Variants in MYO6 observed in about 807,000 individuals in gnomAD.
The protein encoded by MYO6 is unconventional myosin-VI.
In MYO6, 74 loss-of-function variants were observed where a neutral mutation model predicts 178.7. That is an observed-to-expected ratio of 0.41 (90% confidence interval 0.34 to 0.50). MYO6 has a LOEUF of 0.50. Ranked by LOEUF, MYO6 falls within the 20% of genes least tolerant of loss-of-function variation. The pLI, the probability that MYO6 is intolerant of heterozygous loss-of-function variation, is 0.09. For missense variants in MYO6, 1,330 were observed against 1,547.4 expected (o/e 0.86, Z 2.36); for synonymous variants, 477 against 504.6 (o/e 0.95, Z 0.73).
intron 6 of MYO6, among the ~76,000 whole-genome samples, chr6:75,834,475 C>T (rs957925198): frequency 7.9e-5 from 12 of 152,232 alleles, no homozygotes; most frequent in African/African-American, 2.9e-4. Context: ...TCAAGTGATG[C>T]TCCCACTTTG....
intron 1 of MYO6, among the ~76,000 whole-genome samples, chr6:75,802,661 T>C (rs982976449): frequency 6.6e-6 from 1 of 151,814 alleles, no homozygotes; most frequent in Non-Finnish European, 1.5e-5. Flanking sequence ...AGTTTTTGTA[T>C]TTTTTGTAGA....
At chr6:75,768,747 A>T (rs577803808) in intron 1 of MYO6, among the ~76,000 whole-genome samples, 2 of 152,260 alleles carry the variant, frequency 1.3e-5, no homozygotes, top group Non-Finnish European at 2.9e-5. Flanking sequence ...GTAGCAAATT[A>T]TTGCTGTAAA....
At position 75,750,531 on chromosome 6, in the gene MYO6, A is replaced by ATTT. The variant is rs530813379; in HGVS notation, c.-48+1122_-48+1124dup. 9.2e-4 allele frequency among the ~76,000 whole-genome samples: 124 copies of ATTT among 134,390 alleles called. 2 individuals are homozygous for ATTT. Among genetic ancestry groups the ATTT allele is most frequent in the East Asian group, 1.9e-3 (9 of 4,664 alleles). 88.2% of individuals were successfully genotyped at this position (134,390 alleles called of 152,430 possible). On this transcript the variant is annotated intron_variant, in intron 1 of 34. Transcript: ENST00000369977. The stretch of plus-strand genomic sequence containing the variant: ...TAACTGTACGGGCTAAATAAGCCTC[A>ATTT]TTTTTTTTTTTTTTTTAATGCTCTG...
chr6:75,763,610 G>C (rs1352076393), intron 1 of MYO6, among the ~76,000 whole-genome samples: 4 of 152,074 alleles, frequency 2.6e-5, no homozygotes, highest in South Asian at 2.1e-4. Flanking sequence ...TGTTGGATTT[G>C]CACTAAAATG....
intron 1 of MYO6, among the ~76,000 whole-genome samples, chr6:75,765,467 G>A (rs188113658): frequency 9.9e-4 from 151 of 152,128 alleles, no homozygotes; most frequent in Non-Finnish European, 1.9e-3. Flanking sequence ...ATGAGCCACT[G>A]CATCTGGCCA....
intron 25 of MYO6, among the ~76,000 whole-genome samples, chr6:75,888,431 A>G (rs953815285): frequency 2.6e-5 from 4 of 152,052 alleles, no homozygotes; most frequent in African/African-American, 9.7e-5. Flanking sequence ...CCTGATCAAC[A>G]TGGCCAAAAC....
At chr6:75,858,077 T>A (rs574149017) in intron 13 of MYO6, among the ~76,000 whole-genome samples, 2 of 141,050 alleles carry the variant, frequency 1.4e-5, no homozygotes, top group African/African-American at 2.4e-5. Flanking sequence ...TTATTATTAA[T>A]TTTTTTTCCT....
At chr6:75,754,155 T>C (rs574676120) in intron 1 of MYO6, among the ~76,000 whole-genome samples, 2 of 152,140 alleles carry the variant, frequency 1.3e-5, no homozygotes, top group East Asian at 1.9e-4. Flanking sequence ...TGCTGAGTAA[T>C]GTGCACAAAG....
intron 1 of MYO6, among the ~76,000 whole-genome samples, chr6:75,756,228 CA>C (rs35268480): frequency 0.73 from 106,792 of 146,096 alleles, 40,249 homozygotes; most frequent in Non-Finnish European, 0.84. Flanking sequence ...GATTCTGTCT[CA>C]AAAAAAAAAA....
chr6:75,803,828 C>G (rs1215418828), intron 1 of MYO6, among the ~76,000 whole-genome samples: 1 of 152,018 alleles, frequency 6.6e-6, no homozygotes, highest in African/African-American at 2.4e-5. Context: ...ATAAAAAACC[C>G]AAATTTTGTA....
chr6:75,785,314 A>G (rs1446936573), intron 1 of MYO6, among the ~76,000 whole-genome samples: 1 of 152,340 alleles, frequency 6.6e-6, no homozygotes, highest in Middle Eastern at 3.4e-3. Flanking sequence ...GAATAGCTGG[A>G]AATTATCCTG....
intron 1 of MYO6, among the ~76,000 whole-genome samples, chr6:75,785,528 G>A (rs2150066344): frequency 6.9e-6 from 1 of 145,706 alleles, no homozygotes; most frequent in South Asian, 2.2e-4. Flanking sequence ...CCAGACTGCA[G>A]TGGCTATTCA....
At chr6:75,831,930 A>G (rs779218647) in intron 5 of MYO6, among the ~76,000 whole-genome samples, 1 of 151,086 alleles carries the variant, frequency 6.6e-6, no homozygotes, top group Non-Finnish European at 1.5e-5. Flanking sequence ...GATAAATTGG[A>G]CAAAGGGATG....
At chr6:75,880,664 T>C (rs1184061833) in intron 22 of MYO6, among the ~76,000 whole-genome samples, 1 of 152,340 alleles carries the variant, frequency 6.6e-6, no homozygotes, top group South Asian at 2.1e-4. Flanking sequence ...CTTTTTCTTG[T>C]TTAAACTCCT....
At chr6:75,857,592 A>G (rs1288278943) in intron 13 of MYO6, among the ~76,000 whole-genome samples, 2 of 152,226 alleles carry the variant, frequency 1.3e-5, no homozygotes, top group African/African-American at 4.8e-5. Flanking sequence ...TTCACTGATT[A>G]AATAACAAAA....
At chr6:75,765,453 A>T (rs756503662) in intron 1 of MYO6, among the ~76,000 whole-genome samples, 1 of 152,146 alleles carries the variant, frequency 6.6e-6, no homozygotes, top group Non-Finnish European at 1.5e-5. Context: ...TTGGGATTAC[A>T]GGCATGAGCC....
intron 1 of MYO6, among the ~76,000 whole-genome samples, chr6:75,792,018 T>C (rs1768301502): frequency 6.6e-6 from 1 of 152,254 alleles, no homozygotes; most frequent in African/African-American, 2.4e-5. Flanking sequence ...AGCCAGTTGA[T>C]GGACAAAGAG....
intron 1 of MYO6, among the ~76,000 whole-genome samples, chr6:75,756,176 C>T (rs1777330628): frequency 6.6e-6 from 1 of 151,784 alleles, no homozygotes; most frequent in African/African-American, 2.4e-5. Flanking sequence ...AGGAGGAATG[C>T]TTGAGCCCAG....
At chr6:75,829,318 CCTAA>C (rs1772827026) in intron 4 of MYO6, among the ~76,000 whole-genome samples, 1 of 152,088 alleles carries the variant, frequency 6.6e-6, no homozygotes, top group Admixed American at 6.6e-5. Context: ...TCCAGTATCA[CCTAA>C]CTGTGTAGTC....
Sources: gnomAD v4.1 joint callset for allele counts (sites outside exome capture counted in the v4.1 genomes callset) on GRCh38, gnomAD v4.1.1 for gene constraint, MANE v1.5 for transcripts, NCBI Gene and HGNC (gene_info 2026-07-23, HGNC 2026-07-21) for gene names.